GALNT14: variants seen among roughly 807,000 people sequenced by gnomAD.
The protein encoded by GALNT14 is polypeptide N-acetylgalactosaminyltransferase 14.
A neutral mutation model predicts 77.5 loss-of-function variants in GALNT14; 60 were observed. The observed-to-expected ratio is 0.77, with a 90% CI of 0.63 to 0.96. GALNT14 has a LOEUF of 0.96. Among genes scored for constraint, GALNT14 ranks in the 40% least tolerant of loss-of-function variants. The pLI, the probability that GALNT14 is intolerant of heterozygous loss-of-function variation, is 0.00. For missense variants in GALNT14, 710 were observed against 731.0 expected (o/e 0.97, Z 0.33); for synonymous variants, 280 against 281.7 (o/e 0.99, Z 0.06).
Position 31,138,219 on chromosome 2 carries a change from G to C in GALNT14, c.-133C>G. ...CTAGACCCAGGATCCGGTTGGAGGG[G>C]CGGCAGGATCCTGCAAGGCGCCCTT... On this transcript the variant is annotated 5_prime_UTR_variant, in exon 1 of 15. Transcript: ENST00000349752. 1 of 1,150,482 alleles carries C rather than the reference G, an allele frequency of 8.7e-7. No homozygotes were observed. Among genetic ancestry groups the C allele is most frequent in the Non-Finnish European group, 1.2e-6 (1 of 815,656 alleles). The allele number at this position is 1,150,482 out of a possible 1,614,324, so 71.3% of individuals were successfully genotyped here.
At chr2:31,048,658 G>A (rs1357798316) in intron 1 of GALNT14, among the ~76,000 whole-genome samples, 1 of 143,614 alleles carries the variant, frequency 7.0e-6, no homozygotes, top group Non-Finnish European at 1.5e-5. Flanking sequence ...CTCCTATGGA[G>A]TTCTGCCATC....
intron 1 of GALNT14, among the ~76,000 whole-genome samples, chr2:31,025,333 T>C (rs1450637668): frequency 3.3e-5 from 5 of 152,144 alleles, no homozygotes; most frequent in Non-Finnish European, 7.4e-5. Context: ...TCCAGACCCA[T>C]GAGCAGGGTC....
chr2:31,062,924 T>C (rs1357626517), intron 1 of GALNT14, among the ~76,000 whole-genome samples: 2 of 152,248 alleles, frequency 1.3e-5, no homozygotes, highest in African/African-American at 2.4e-5. Context: ...GTTTTACTCT[T>C]GTAAATTTGC....
At chr2:31,125,466 C>T (rs1474900862) in intron 1 of GALNT14, among the ~76,000 whole-genome samples, 2 of 70,496 alleles carry the variant, frequency 2.8e-5, no homozygotes, top group African/African-American at 9.0e-5. Context: ...TATCAGCTTT[C>T]TCACCCCCCA....
At chr2:31,038,084 ATTTTTTTT>A (rs1196402402) in intron 1 of GALNT14, among the ~76,000 whole-genome samples, 14 of 52,648 alleles carry the variant, frequency 2.7e-4, no homozygotes, top group African/African-American at 1.0e-3. Flanking sequence ...ATATATATAT[ATTTTTTTT>A]TTTTTTTTTT....
chr2:30,973,120 GA>G (rs1377216416), intron 2 of GALNT14, among the ~76,000 whole-genome samples: 1 of 152,204 alleles, frequency 6.6e-6, no homozygotes, highest in Non-Finnish European at 1.5e-5. Flanking sequence ...TCCAGGGCCA[GA>G]AAGGCAAAGA....
At chr2:30,976,398 C>T (rs898788995) in intron 2 of GALNT14, among the ~76,000 whole-genome samples, 7 of 152,184 alleles carry the variant, frequency 4.6e-5, no homozygotes, top group Non-Finnish European at 1.0e-4. Flanking sequence ...TTCTAAACAA[C>T]TAATCTTGAT....
intron 13 of GALNT14, among the ~76,000 whole-genome samples, chr2:30,912,891 T>C (rs1001601891): frequency 6.6e-6 from 1 of 152,122 alleles, no homozygotes; most frequent in Non-Finnish European, 1.5e-5. Flanking sequence ...TCCAAGGGAA[T>C]GAATAAAGAA....
At chr2:30,913,489 C>A (rs1295449210) in intron 13 of GALNT14, among the ~76,000 whole-genome samples, 1 of 152,200 alleles carries the variant, frequency 6.6e-6, no homozygotes, top group Non-Finnish European at 1.5e-5. Flanking sequence ...CGTTCTCCAT[C>A]TTCCCTCCTG....
intron 1 of GALNT14, among the ~76,000 whole-genome samples, chr2:31,013,462 TTCAGCTGACC>T (rs1671162253): frequency 6.6e-6 from 1 of 152,302 alleles, no homozygotes; most frequent in Non-Finnish European, 1.5e-5. Context: ...AGGGGAAATG[TTCAGCTGACC>T]TCAAACTTCC....
intron 13 of GALNT14, among the ~76,000 whole-genome samples, chr2:30,913,036 T>C (rs1664465993): frequency 6.6e-6 from 1 of 152,140 alleles, no homozygotes; most frequent in South Asian, 2.1e-4. Flanking sequence ...AGCAGAGTTC[T>C]GTTGGCATCA....
intron 1 of GALNT14, among the ~76,000 whole-genome samples, chr2:31,022,358 T>A (rs556624824): frequency 6.6e-6 from 1 of 152,340 alleles, no homozygotes; most frequent in Non-Finnish European, 1.5e-5. Context: ...TGCTGGGCCC[T>A]ATCTCAATAA....
Position 31,000,984 on chromosome 2 carries a change from G to A in GALNT14, c.130-7977C>T, listed in dbSNP as rs370880575. ...TTTCAAATGAGGAAAGTGAGGCACA[G>A]GGAGGATAAATGATTTGCCCAAGTT... is the stretch of plus-strand genomic sequence containing the variant. On this transcript the variant is annotated intron_variant, in intron 1 of 14. Transcript: ENST00000349752. Among the ~76,000 whole-genome samples the A allele has an allele frequency of 7.7e-4, 117 of 152,324 alleles. 2 individuals carry two copies. In the South Asian group the frequency reaches 0.023, roughly 30 times the overall value.
In GALNT14 at chr2:31,016,158, G is replaced by A. The variant is rs147008547; in HGVS notation, c.130-23151C>T. On this transcript the variant is annotated intron_variant, in intron 1 of 14. Coordinates refer to ENST00000349752, the MANE Select transcript of GALNT14 (RefSeq NM_024572.4). ...TGGACGCTGGCAGTCCAAGATCAAC[G>A]TGCGAACAGGGTTAGTTTCTCCTGA... Among the ~76,000 whole-genome samples, 266 of 152,268 alleles carry A rather than the reference G, an allele frequency of 1.7e-3. 2 individuals carry two copies. Among genetic ancestry groups the A allele is most frequent in the Middle Eastern group, 3.4e-3 (1 of 294 alleles).
chr2:30,945,949 G>T, intron 6 of GALNT14, 79 bp from the exon 7 acceptor site: 4 of 1,161,846 alleles, frequency 3.4e-6, no homozygotes, highest in Non-Finnish European at 5.2e-6. Context: ...GGCCTCGTGA[G>T]GGTAGGGCCA....
chr2:31,052,830 ATTAT>A (rs1420859742), intron 1 of GALNT14, among the ~76,000 whole-genome samples: 4 of 152,202 alleles, frequency 2.6e-5, no homozygotes, highest in Non-Finnish European at 5.9e-5. Context: ...CATCTCATGC[ATTAT>A]TTGAGATGTG....
chr2:30,920,449 G>A (rs1312178523), intron 13 of GALNT14, among the ~76,000 whole-genome samples: 1 of 152,158 alleles, frequency 6.6e-6, no homozygotes, highest in African/African-American at 2.4e-5. Flanking sequence ...GGACAAGTAG[G>A]AGGACAGAGG....
chr2:31,088,652 T>C (rs1676577946), intron 1 of GALNT14, among the ~76,000 whole-genome samples: 1 of 152,160 alleles, frequency 6.6e-6, no homozygotes, highest in African/African-American at 2.4e-5. Flanking sequence ...GCTGTGGTTA[T>C]TGGTTGTGCA....
rs576798215 is a variant in GALNT14, at chr2:31,094,526, T to C, written c.129+43432A>G. 4.6e-5 allele frequency among the ~76,000 whole-genome samples: 7 copies of C among 152,348 alleles called. No homozygotes were observed. In the South Asian group the frequency reaches 6.2e-4, roughly 14 times the overall value. ...CCACAGGAAACAGACATGGGCAATA[T>C]GTGGCCAGAGGCTCTTGATCACTCT... On this transcript the variant is annotated intron_variant, in intron 1 of 14. Coordinates refer to ENST00000349752, the MANE Select transcript of GALNT14 (RefSeq NM_024572.4).
Sources: gnomAD v4.1 joint callset for allele counts (sites outside exome capture counted in the v4.1 genomes callset) on GRCh38, gnomAD v4.1.1 for gene constraint, MANE v1.5 for transcripts, NCBI Gene and HGNC (gene_info 2026-07-23, HGNC 2026-07-21) for gene names.